Variants in LRMDA observed in about 807,000 individuals in gnomAD.
LRMDA encodes leucine rich melanocyte differentiation associated, also known as leucine-rich melanocyte differentiation-associated protein.
A neutral mutation model predicts 29.8 loss-of-function variants in LRMDA; 18 were observed. The observed-to-expected ratio is 0.60, with a 90% CI of 0.42 to 0.90. LRMDA has a LOEUF of 0.90. Among genes scored for constraint, LRMDA ranks in the 40% least tolerant of loss-of-function variants. The pLI, the probability that LRMDA is intolerant of heterozygous loss-of-function variation, is 0.00. For synonymous variants in LRMDA, 125 were observed against 109.4 expected (o/e 1.14, Z -0.89); for missense variants, 273 against 273.9 (o/e 1.00, Z 0.02).
rs183512634 is a variant in LRMDA at position 75,483,767 on chromosome 10, C to T, written c.131+45273C>T. On this transcript the variant is annotated intron_variant, in intron 2 of 6. Coordinates refer to ENST00000611255, the MANE Select transcript of LRMDA (RefSeq NM_001305581.2). ...TTTCAATTCTCCTGGGATTTGGGAG[C>T]GTATAATTGTATCATATGAAAAAAA... 4.2e-3 allele frequency among the ~76,000 whole-genome samples: 640 copies of T among 150,812 alleles called. 6 individuals are homozygous for T. The highest frequency in any genetic ancestry group is 7.1e-3 in the Non-Finnish European group (484 of 67,906).
At chr10:76,401,753 AG>A in intron 6 of LRMDA, among the ~76,000 whole-genome samples, 1 of 152,212 alleles carries the variant, frequency 6.6e-6, no homozygotes, top group East Asian at 1.9e-4. Flanking sequence ...ATATTAAATA[AG>A]AAATACTATG....
chr10:76,144,911 G>C (rs1850281991), intron 5 of LRMDA, among the ~76,000 whole-genome samples: 3 of 152,160 alleles, frequency 2.0e-5, no homozygotes, highest in Admixed American at 2.0e-4. Flanking sequence ...AAGTGTTGTT[G>C]AATTTTGTCA....
chr10:75,875,315 A>G (rs1347935526), intron 2 of LRMDA, among the ~76,000 whole-genome samples: 2 of 152,244 alleles, frequency 1.3e-5, no homozygotes, highest in Non-Finnish European at 2.9e-5. Context: ...AGTGAAGAAG[A>G]CAGAAAACAC....
intron 2 of LRMDA, among the ~76,000 whole-genome samples, chr10:75,578,238 A>AAAAAAAAAC (rs1564805418): frequency 1.4e-5 from 2 of 147,940 alleles, no homozygotes; most frequent in African/African-American, 2.5e-5. Flanking sequence ...AAAAAAAAAA[A>AAAAAAAAAC]AGCAGCAGTT....
intron 2 of LRMDA, among the ~76,000 whole-genome samples, chr10:75,689,701 C>T (rs1302120093): frequency 3.3e-5 from 5 of 152,164 alleles, no homozygotes; most frequent in South Asian, 2.1e-4. Context: ...TTGCTGGGGC[C>T]CTTTCTGAAA....
chr10:76,526,832 G>T (rs1190492329), intron 6 of LRMDA, among the ~76,000 whole-genome samples: 1 of 107,778 alleles, frequency 9.3e-6, no homozygotes. Flanking sequence ...GGACTGTTGT[G>T]GGGTGGGGGG....
At chr10:76,345,253 T>C (rs1213905871) in intron 6 of LRMDA, among the ~76,000 whole-genome samples, 3 of 145,790 alleles carry the variant, frequency 2.1e-5, no homozygotes, top group Non-Finnish European at 4.5e-5. Flanking sequence ...TTTTTTTTTT[T>C]AGTAGAGACG....
chr10:76,473,993 G>A (rs915948289), intron 6 of LRMDA, among the ~76,000 whole-genome samples: 2 of 151,618 alleles, frequency 1.3e-5, no homozygotes, highest in Non-Finnish European at 3.0e-5. Context: ...AGACAGTGTG[G>A]TACTGGCATT....
At position 75,493,348 on chromosome 10, in the gene LRMDA, G is replaced by GGTGGGTGTGTGT. The variant is rs148712950; in HGVS notation, c.131+54857_131+54858insGGTGTGTGTGTG. 1.4e-3 allele frequency among the ~76,000 whole-genome samples: 182 copies of GGTGGGTGTGTGT among 133,348 alleles called. 5 individuals are homozygous for GGTGGGTGTGTGT. Among genetic ancestry groups the GGTGGGTGTGTGT allele is most frequent in the Middle Eastern group, 3.7e-3 (1 of 270 alleles). The allele number at this position is 133,348 out of a possible 152,430, so 87.5% of individuals were successfully genotyped here. On this transcript the variant is annotated intron_variant, in intron 2 of 6. Coordinates refer to ENST00000611255, the MANE Select transcript of LRMDA (RefSeq NM_001305581.2). Reference sequence around the variant, plus strand: ...AGAGAGCCATAGAGGGTTGAGATTGGGTGTGTGTGTGTGTGTGTGTGTGTG... The same window carrying GGTGGGTGTGTGT: ...AGAGAGCCATAGAGGGTTGAGATTGGGTGGGTGTGTGTGTGTGTGTGTGTGTGTGTGTGTGTG...
chr10:75,716,541 T>C (rs926235282), intron 2 of LRMDA, among the ~76,000 whole-genome samples: 3 of 152,162 alleles, frequency 2.0e-5, no homozygotes, highest in Admixed American at 2.0e-4. Flanking sequence ...TTCAACACTC[T>C]GTGTTCAATA....
rs570581617 is a variant in LRMDA, at chr10:75,700,304, TGAA to T, written c.131+261812_131+261814del. ...ATTAAACCAATATTTTAAAAAATAA[TGAA>T]GCATCATTATATGACATCTGTCTAA... On this transcript the variant is annotated intron_variant, in intron 2 of 6. Coordinates refer to ENST00000611255, the MANE Select transcript of LRMDA (RefSeq NM_001305581.2). Among the ~76,000 whole-genome samples the T allele has an allele frequency of 8.1e-4, 123 of 151,702 alleles. 2 individuals are homozygous for T. In the South Asian group the frequency reaches 0.011, roughly 13 times the overall value.
chr10:75,702,754 G>A (rs752762625), intron 2 of LRMDA, among the ~76,000 whole-genome samples: 15 of 152,194 alleles, frequency 9.9e-5, no homozygotes, highest in Non-Finnish European at 1.9e-4. Context: ...GGCAACCTTC[G>A]CATTTGGTTT....
intron 5 of LRMDA, among the ~76,000 whole-genome samples, chr10:76,314,997 C>G (rs1255918211): frequency 1.3e-5 from 2 of 152,166 alleles, no homozygotes; most frequent in Non-Finnish European, 2.9e-5. Context: ...CTAAATAAGC[C>G]TAGGAGGGTT....
chr10:76,222,711 G>A (rs1052592583), intron 5 of LRMDA, among the ~76,000 whole-genome samples: 6 of 152,150 alleles, frequency 3.9e-5, no homozygotes, highest in East Asian at 3.9e-4. Context: ...TCAGTGTGGC[G>A]ATTCCTTGGA....
intron 2 of LRMDA, among the ~76,000 whole-genome samples, chr10:75,790,754 TAAAC>T (rs1314481547): frequency 5.3e-5 from 8 of 152,210 alleles, no homozygotes; most frequent in African/African-American, 1.9e-4. Flanking sequence ...GGGCTGTTGA[TAAAC>T]AAAGAGATAT....
rs184514653 is a variant in LRMDA, at chr10:76,382,298, G to A, written c.601+57813G>A. Among the ~76,000 whole-genome samples, 311 of 152,222 alleles carry A rather than the reference G, an allele frequency of 2.0e-3. 1 individual carries two copies. Among genetic ancestry groups the A allele is most frequent in the Non-Finnish European group, 2.4e-4 (16 of 68,008 alleles). On this transcript the variant is annotated intron_variant, in intron 6 of 6. Coordinates refer to ENST00000611255, the MANE Select transcript of LRMDA (RefSeq NM_001305581.2). ...TTTTTAACAGCATGGTCTAAAGTTG[G>A]AAAAATAGGAATTCAGTGTCTAGTT...
intron 6 of LRMDA, among the ~76,000 whole-genome samples, chr10:76,417,540 A>C (rs552802761): frequency 2.0e-5 from 3 of 152,038 alleles, no homozygotes; most frequent in African/African-American, 7.2e-5. Context: ...CCTAGGCACT[A>C]CTTCTTCCTC....
chr10:75,940,791 CGT>C (rs1196786044), intron 2 of LRMDA, among the ~76,000 whole-genome samples: 1 of 151,236 alleles, frequency 6.6e-6, no homozygotes, highest in African/African-American at 2.4e-5. Flanking sequence ...TGTGCGCGCG[CGT>C]GTGTGTGTGT....
chr10:75,675,294 G>A (rs1235913926), intron 2 of LRMDA, among the ~76,000 whole-genome samples: 1 of 152,158 alleles, frequency 6.6e-6, no homozygotes, highest in African/African-American at 2.4e-5. Context: ...CTGTTGTGAG[G>A]TGTTGCTAGC....
Sources: gnomAD v4.1 joint callset for allele counts (sites outside exome capture counted in the v4.1 genomes callset) on GRCh38, gnomAD v4.1.1 for gene constraint, MANE v1.5 for transcripts, NCBI Gene and HGNC (gene_info 2026-07-23, HGNC 2026-07-21) for gene names.